The following PLPP4 variants were observed in gnomAD, a reference collection of about 807,000 sequenced individuals.
PLPP4 encodes phospholipid phosphatase 4.
In PLPP4, 20 loss-of-function variants were observed where a neutral mutation model predicts 32.2. That is an observed-to-expected ratio of 0.62 (90% CI 0.44 to 0.90). PLPP4 has a LOEUF of 0.90. Among genes scored for constraint, PLPP4 ranks in the 40% least tolerant of loss-of-function variants. PLPP4 has a pLI of 0.00. For synonymous variants in PLPP4, 127 were observed against 133.0 expected, an observed-to-expected ratio of 0.95 and a Z score of 0.31; for missense variants, 257 against 353.1, an observed-to-expected ratio of 0.73 and a Z score of 2.18.
chr10:120,530,615 A>G lies in PLPP4; in HGVS notation c.445+9520A>G, dbSNP rs886252572. On this transcript the variant is annotated intron_variant, in intron 5 of 6. Coordinates refer to ENST00000398250, the MANE Select transcript of PLPP4 (RefSeq NM_001030059.3). Reference sequence around the variant, plus strand: ...AGTTGTGAATAAAGCTGCCCTGAACATTTGTGTGCAATTGTTTAGTGGACA... The same window carrying G: ...AGTTGTGAATAAAGCTGCCCTGAACGTTTGTGTGCAATTGTTTAGTGGACA... Among the ~76,000 whole-genome samples, 6 of 152,332 alleles carry G rather than the reference A, an allele frequency of 3.9e-5. No individual in the cohort carries two copies. The East Asian group carries it at 1.2e-3, about 29-fold the overall frequency.
chr10:120,484,270 C>G (rs572649195), intron 1 of PLPP4, among the ~76,000 whole-genome samples: 1 of 152,196 alleles, frequency 6.6e-6, no homozygotes. Context: ...AACAGTATAT[C>G]ATTGCAAATA....
intron 1 of PLPP4, among the ~76,000 whole-genome samples, chr10:120,485,981 C>T (rs1216701484): frequency 2.6e-5 from 4 of 152,190 alleles, no homozygotes; most frequent in Non-Finnish European, 4.4e-5. Flanking sequence ...GCTCTGGTCT[C>T]AAGTTAGAAG....
intron 3 of PLPP4, among the ~76,000 whole-genome samples, chr10:120,514,649 T>C (rs1228975649): frequency 6.6e-6 from 1 of 152,192 alleles, no homozygotes; most frequent in East Asian, 1.9e-4. Context: ...AAATGCGTTT[T>C]TCTGGTCTTC....
rs375159020 is a variant in PLPP4 at position 120,513,965 on chromosome 10, C to T, written c.220C>T (p.Arg74Ter). 8.7e-6 allele frequency: 14 copies of T among 1,613,774 alleles called. No individual in the cohort carries two copies. Among genetic ancestry groups the T allele is most frequent in the Non-Finnish European group, 1.2e-5 (14 of 1,179,908 alleles). Residue 74 changes from arginine to a stop codon, truncating the protein, a stop_gained, in exon 3 of 7, where the codon CGA becomes TGA. Coordinates refer to ENST00000398250, the MANE Select transcript of PLPP4 (RefSeq NM_001030059.3). LOFTEE classifies it high-confidence loss of function. ...AVICVVKIIR[R>*]TDKTEIKEAF... ...TATTTGTGTGGTGAAAATTATCCGG[C>T]GAACAGACAAGACTGAAATTAAGGA...
Position 120,590,100 on chromosome 10 carries a change from T to G in PLPP4, c.*598T>G, listed in dbSNP as rs1849947996. On this transcript the variant is annotated 3_prime_UTR_variant, in exon 7 of 7. Transcript: ENST00000398250. ...GAAGCAAATAAAATTAATAACTTCATGCACAGACTTCCACCAAACACAATG... is the reference window on the plus strand; with the variant it reads ...GAAGCAAATAAAATTAATAACTTCAGGCACAGACTTCCACCAAACACAATG... Among the ~76,000 whole-genome samples, 1 of 152,224 alleles carries G rather than the reference T, an allele frequency of 6.6e-6. No individual in the cohort carries two copies. Among genetic ancestry groups the G allele is most frequent in the South Asian group, 2.1e-4 (1 of 4,832 alleles).
At chr10:120,570,619 G>A (rs534896631) in intron 5 of PLPP4, among the ~76,000 whole-genome samples, 43 of 152,174 alleles carry the variant, frequency 2.8e-4, no homozygotes, top group Admixed American at 1.5e-3. Flanking sequence ...AAGATTTTCC[G>A]CTTGGTTTAA....
At chr10:120,515,211 G>A (rs1001781549) in intron 3 of PLPP4, among the ~76,000 whole-genome samples, 2 of 152,140 alleles carry the variant, frequency 1.3e-5, no homozygotes, top group African/African-American at 4.8e-5. Flanking sequence ...CCAAGAAAAA[G>A]GGGGAAAGGT....
chr10:120,558,221 G>A (rs550363410), intron 5 of PLPP4, among the ~76,000 whole-genome samples: 61 of 151,704 alleles, frequency 4.0e-4, no homozygotes, highest in African/African-American at 1.2e-3. Context: ...AGTTTTACAT[G>A]TGCACACATA....
At chr10:120,462,704 C>T (rs1848109697) in intron 1 of PLPP4, among the ~76,000 whole-genome samples, 1 of 152,196 alleles carries the variant, frequency 6.6e-6, no homozygotes, top group South Asian at 2.1e-4. Flanking sequence ...TTACACGGGG[C>T]CCAGGTCAGG....
In PLPP4 at chr10:120,518,901, G is replaced by C; in HGVS notation, c.320+5G>C. On this transcript the variant is annotated splice_donor_5th_base_variant and intron_variant, in intron 4 of 6. Coordinates refer to ENST00000398250, the MANE Select transcript of PLPP4 (RefSeq NM_001030059.3). ...TATTAAATTAATAGTGGGAAGGTAAGTTCCAAGAAGAATGAAATGGTGACT... is the reference window on the plus strand; with the variant it reads ...TATTAAATTAATAGTGGGAAGGTAACTTCCAAGAAGAATGAAATGGTGACT... The C allele has an allele frequency of 6.2e-7, 1 of 1,608,688 alleles. No individual in the cohort carries two copies. Among genetic ancestry groups the C allele is most frequent in the East Asian group, 2.2e-5 (1 of 44,778 alleles).
chr10:120,471,746 T>C (rs1304155584), intron 1 of PLPP4, among the ~76,000 whole-genome samples: 14 of 152,102 alleles, frequency 9.2e-5, no homozygotes, highest in Non-Finnish European at 1.5e-5. Flanking sequence ...TTAATACAAT[T>C]ATTAATATGG....
chr10:120,548,071 G>A (rs1057290749), intron 5 of PLPP4, among the ~76,000 whole-genome samples: 10 of 152,038 alleles, frequency 6.6e-5, no homozygotes, highest in African/African-American at 2.4e-4. Flanking sequence ...GTTTAAAATT[G>A]CCAAACTTTT....
chr10:120,564,041 T>C (rs1848572107), intron 5 of PLPP4, among the ~76,000 whole-genome samples: 1 of 152,098 alleles, frequency 6.6e-6, no homozygotes, highest in South Asian at 2.1e-4. Flanking sequence ...CTGCTGTTCT[T>C]TTAAACTTAT....
At chr10:120,551,622 A>G (rs1397487266) in intron 5 of PLPP4, among the ~76,000 whole-genome samples, 2 of 152,222 alleles carry the variant, frequency 1.3e-5, no homozygotes, top group African/African-American at 4.8e-5. Context: ...GTTTATATGC[A>G]GTCCAAGCAC....
chr10:120,516,107 C>T (rs1845924336), intron 3 of PLPP4, among the ~76,000 whole-genome samples: 1 of 152,128 alleles, frequency 6.6e-6, no homozygotes, highest in Non-Finnish European at 1.5e-5. Flanking sequence ...TGATGAACAG[C>T]CTCCCATTGT....
chr10:120,471,092 T>A (rs1203218359), intron 1 of PLPP4, among the ~76,000 whole-genome samples: 1 of 152,234 alleles, frequency 6.6e-6, no homozygotes, highest in African/African-American at 2.4e-5. Flanking sequence ...TAATGAATAG[T>A]TTCTGTTTGG....
intron 2 of PLPP4, among the ~76,000 whole-genome samples, chr10:120,507,751 G>T (rs921043826): frequency 2.0e-5 from 3 of 152,160 alleles, no homozygotes; most frequent in Admixed American, 1.3e-4. Context: ...ATGCGTAAGG[G>T]CTAAGAAAGG....
chr10:120,575,295 T>G lies in PLPP4; in HGVS notation c.610T>G (p.Trp204Gly). 1 of 1,613,648 alleles carries G rather than the reference T, an allele frequency of 6.2e-7. No homozygotes were observed. Among genetic ancestry groups the G allele is most frequent in the Non-Finnish European group, 8.5e-7 (1 of 1,179,694 alleles). ...CCGCATGTGCGACTACAAGCATCAC[T>G]GGCAAGGTGAGTCCCTGCCCAGGGC... Reference protein sequence around the residue: ...LSRMCDYKHHWQDSFVGGVIG... With the variant: ...LSRMCDYKHHGQDSFVGGVIG... The change falls in exon 6 of 7, where the codon TGG (tryptophan) becomes GGG (glycine). Residue 204 changes from tryptophan to glycine, a missense_variant. By Grantham distance (184) the Trp-to-Gly change is radical. Coordinates refer to ENST00000398250, the MANE Select transcript of PLPP4 (RefSeq NM_001030059.3).
At chr10:120,574,166 ACACTCT>A (rs1195721365) in intron 5 of PLPP4, among the ~76,000 whole-genome samples, 72 of 47,996 alleles carry the variant, frequency 1.5e-3, no homozygotes, top group East Asian at 5.6e-3. Context: ...ACACACACAC[ACACTCT>A]CTCTCTCTCT....
Sources: gnomAD v4.1 joint callset for allele counts (sites outside exome capture counted in the v4.1 genomes callset) on GRCh38, gnomAD v4.1.1 for gene constraint, MANE v1.5 for transcripts, NCBI Gene and HGNC (gene_info 2026-07-23, HGNC 2026-07-21) for gene names.